TENM1: variants seen among roughly 807,000 people sequenced by gnomAD.
TENM1 encodes teneurin transmembrane protein 1.
TENM1 carries 35 observed loss-of-function variants against 174.8 expected under a neutral mutation model. That is an observed-to-expected ratio of 0.20 (90% CI 0.15 to 0.27). The LOEUF (loss-of-function observed/expected upper bound fraction) is 0.27. Among genes scored for constraint, TENM1 ranks in the 10% least tolerant of loss-of-function variants. TENM1 has a pLI of 1.00. For synonymous variants in TENM1, 781 were observed against 798.7 expected, an observed-to-expected ratio of 0.98 and a Z score of 0.37; for missense variants, 1,633 against 2,130.1, an observed-to-expected ratio of 0.77 and a Z score of 4.59.
chrX:124,756,055 G>T (rs1320054101), intron 3 of TENM1, among the ~76,000 whole-genome samples: 1 of 104,938 alleles, frequency 9.5e-6, no homozygotes, highest in Non-Finnish European at 1.9e-5. Flanking sequence ...GATTTGGGAA[G>T]TTCTCCTGGA....
chrX:124,820,328 G>A (rs769974239), intron 3 of TENM1, among the ~76,000 whole-genome samples: 2 of 110,302 alleles, frequency 1.8e-5, no homozygotes, highest in Admixed American at 9.7e-5. Flanking sequence ...CCTCCCAGCC[G>A]CCCCCCCACC....
At chrX:124,734,364 C>T (rs1015215568) in intron 4 of TENM1, among the ~76,000 whole-genome samples, 4 of 110,874 alleles carry the variant, frequency 3.6e-5, no homozygotes, top group Non-Finnish European at 7.5e-5. Flanking sequence ...GCAGGAGAAT[C>T]GTTTGAATCC....
the TENM1 span, among the ~76,000 whole-genome samples, chrX:125,045,556 C>A: frequency 2.7e-5 from 3 of 111,257 alleles, no homozygotes; most frequent in Admixed American, 9.6e-5. Flanking sequence ...CTGTTTAACA[C>A]TTTACTACCT....
intron 27 of TENM1, among the ~76,000 whole-genome samples, chrX:124,400,424 G>A (rs1281253435): frequency 1.8e-5 from 2 of 111,928 alleles, no homozygotes; most frequent in Non-Finnish European, 3.8e-5. Flanking sequence ...GAACACTCAC[G>A]TTTCATTTAA....
rs191740303 is a variant in TENM1 at position 124,826,434 on chromosome X, T to C, written c.535+67862A>G. Among the ~76,000 whole-genome samples, 764 of 106,867 alleles carry C rather than the reference T, an allele frequency of 7.1e-3. 5 individuals are homozygous for C. The highest frequency in any genetic ancestry group is 0.025 in the African/African-American group (722 of 29,253). The allele number at this position is 106,867 out of a possible 115,157, so 92.8% of individuals were successfully genotyped here. ...AAAAAAAAAAAAAAATTATTTAGAGTGCCAAAAAATTGAAGACACCCTAAA... is the reference window on the plus strand; with the variant it reads ...AAAAAAAAAAAAAAATTATTTAGAGCGCCAAAAAATTGAAGACACCCTAAA... On this transcript the variant is annotated intron_variant, in intron 3 of 31. Transcript: ENST00000422452.
At chrX:124,496,096 A>C (rs6608200) in intron 20 of TENM1, among the ~76,000 whole-genome samples, 43,488 of 105,812 alleles carry the variant, frequency 0.41, 10,177 homozygotes, top group African/African-American at 0.85. Flanking sequence ...CTTTGACAAA[A>C]CTGAGAAAAA....
At chrX:125,087,746 A>G in the TENM1 span, among the ~76,000 whole-genome samples, 1 of 111,554 alleles carries the variant, frequency 9.0e-6, no homozygotes, top group Admixed American at 9.5e-5. Flanking sequence ...CAAAACTGGA[A>G]CAATTCGAGA....
At position 124,640,817 on chromosome X, in the gene TENM1, C is replaced by T. The variant is rs190629548; in HGVS notation, c.2077+974G>A. ...CTACTAAAAATACAAAAAAATTAGCCGGTCGTGGTGTCACGCGCCTGTAGT... is the reference window on the plus strand; with the variant it reads ...CTACTAAAAATACAAAAAAATTAGCTGGTCGTGGTGTCACGCGCCTGTAGT... On this transcript the variant is annotated intron_variant, in intron 11 of 31. Coordinates refer to ENST00000422452, the Ensembl canonical transcript of TENM1. Among the ~76,000 whole-genome samples the T allele has an allele frequency of 2.5e-4, 27 of 109,953 alleles. 1 individual carries two copies. The highest frequency in any genetic ancestry group is 2.4e-3 in the Admixed American group (25 of 10,312).
the TENM1 span, among the ~76,000 whole-genome samples, chrX:125,096,547 T>C: frequency 8.9e-6 from 1 of 111,982 alleles, no homozygotes; most frequent in African/African-American, 3.2e-5. Context: ...AAAGTCGATA[T>C]GGTGACTATT....
the TENM1 span, among the ~76,000 whole-genome samples, chrX:125,198,325 T>C: frequency 8.9e-6 from 1 of 111,988 alleles, no homozygotes; most frequent in Non-Finnish European, 1.9e-5. Context: ...AAGCATCATT[T>C]ATATTATGTT....
the TENM1 span, among the ~76,000 whole-genome samples, chrX:125,161,039 T>TAAAAAAAAA: frequency 1.9e-5 from 1 of 53,426 alleles, no homozygotes. Flanking sequence ...GGCCAAAAAG[T>TAAAAAAAAA]AAAAAAAAAA....
chrX:124,491,755 G>T (rs2047072282), intron 20 of TENM1, among the ~76,000 whole-genome samples: 1 of 112,053 alleles, frequency 8.9e-6, no homozygotes, highest in Non-Finnish European at 1.9e-5. Context: ...TTTGAGGTCA[G>T]ATGTTTCAAT....
At chrX:124,953,034 T>C (rs904796144) in intron 1 of TENM1, among the ~76,000 whole-genome samples, 9 of 111,683 alleles carry the variant, frequency 8.1e-5, no homozygotes, top group African/African-American at 2.9e-4. Context: ...GAAAAAAGTG[T>C]TGAAAATAAA....
Position 124,467,614 on chromosome X carries a change from C to T in TENM1, c.3949+14118G>A, listed in dbSNP as rs1034949848. Among the ~76,000 whole-genome samples, 6 of 111,670 alleles carry T rather than the reference C, an allele frequency of 5.4e-5. No individual in the cohort carries two copies. In the Admixed American group the frequency reaches 5.7e-4, roughly 11 times the overall value. ...GTGTTCTCATATGTTGGTACCTGTG[C>T]GTTACAGGATGTTAAATATTTTGAC... On this transcript the variant is annotated intron_variant, in intron 22 of 31. Transcript: ENST00000422452.
rs144725607 is a variant in TENM1 at position 124,799,947 on chromosome X, G to A, written c.536-62750C>T. On this transcript the variant is annotated intron_variant, in intron 3 of 31. Coordinates refer to ENST00000422452, the Ensembl canonical transcript of TENM1. Reference sequence around the variant, plus strand: ...TGAACCAGCCTTGCATCCCAGGGATGAAACCAATTTTATCATGCTAGATAA... The same window carrying A: ...TGAACCAGCCTTGCATCCCAGGGATAAAACCAATTTTATCATGCTAGATAA... 5.5e-3 allele frequency among the ~76,000 whole-genome samples: 613 copies of A among 112,069 alleles called. 4 individuals are homozygous for A. The highest frequency in any genetic ancestry group is 0.019 in the African/African-American group (573 of 30,862).
At chrX:124,940,405 A>C (rs2147749324) in intron 1 of TENM1, among the ~76,000 whole-genome samples, 1 of 111,860 alleles carries the variant, frequency 8.9e-6, no homozygotes, top group South Asian at 3.8e-4. Flanking sequence ...TAAATACTAT[A>C]TTGATCATAT....
intron 5 of TENM1, among the ~76,000 whole-genome samples, chrX:124,682,060 G>T (rs1156883410): frequency 9.0e-6 from 1 of 111,586 alleles, no homozygotes; most frequent in Non-Finnish European, 1.9e-5. Context: ...TCACACAGCT[G>T]TAGAGTTAAA....
the TENM1 span, among the ~76,000 whole-genome samples, chrX:125,200,646 T>A: frequency 3.2e-5 from 2 of 63,458 alleles, no homozygotes; most frequent in African/African-American, 1.7e-4. Context: ...TGTGTGTGTG[T>A]GTGTGTGTGA....
intron 1 of TENM1, among the ~76,000 whole-genome samples, chrX:124,931,869 ACG>A (rs916698830): frequency 1.0e-5 from 1 of 98,281 alleles, no homozygotes; most frequent in East Asian, 3.8e-4. Flanking sequence ...CGCCAAGCGC[ACG>A]CACACACACA....
Sources: allele counts gnomAD v4.1 joint callset (sites outside exome capture counted in the v4.1 genomes callset), GRCh38; gene constraint gnomAD v4.1.1; transcripts MANE v1.5; gene names NCBI Gene and HGNC (gene_info 2026-07-23, HGNC 2026-07-21).